The following GMDS variants were observed in gnomAD, a reference collection of about 807,000 sequenced individuals.
The protein encoded by GMDS is GDP-mannose 4,6-dehydratase, also known as GDP-mannose 4,6 dehydratase.
A neutral mutation model predicts 49.9 loss-of-function variants in GMDS; 20 were observed. The observed-to-expected ratio is 0.40, with a 90% CI of 0.28 to 0.58. The LOEUF is 0.58. GMDS is among the 20% of genes least tolerant of loss of function. The pLI is 0.42. For missense variants in GMDS, 362 were observed against 481.4 expected, an observed-to-expected ratio of 0.75 and a Z score of 2.32; for synonymous variants, 177 against 178.6, an observed-to-expected ratio of 0.99 and a Z score of 0.07.
intron 1 of GMDS, among the ~76,000 whole-genome samples, chr6:2,195,496 T>C (rs1779237874): frequency 6.6e-6 from 1 of 152,216 alleles, no homozygotes; most frequent in Non-Finnish European, 1.5e-5. Context: ...GCAAATACTT[T>C]GACATTTTAT....
At chr6:1,794,855 C>T (rs1769677163) in intron 7 of GMDS, among the ~76,000 whole-genome samples, 2 of 152,094 alleles carry the variant, frequency 1.3e-5, no homozygotes, top group African/African-American at 4.8e-5. Flanking sequence ...CAGGGGTGAG[C>T]CACTGCACCT....
intron 4 of GMDS, among the ~76,000 whole-genome samples, chr6:2,016,432 A>G (rs780471559): frequency 6.6e-6 from 1 of 152,214 alleles, no homozygotes; most frequent in Non-Finnish European, 1.5e-5. Context: ...TGGACCCAAT[A>G]ATAGAGCTAC....
At chr6:2,216,844 G>T (rs1321423477) in intron 1 of GMDS, among the ~76,000 whole-genome samples, 3 of 151,952 alleles carry the variant, frequency 2.0e-5, no homozygotes, top group African/African-American at 7.3e-5. Flanking sequence ...CTTCCCACCC[G>T]CCTCTCCTGG....
intron 7 of GMDS, among the ~76,000 whole-genome samples, chr6:1,784,879 A>T (rs7761297): frequency 0.057 from 8,633 of 152,264 alleles, 813 homozygotes; most frequent in African/African-American, 0.2. Context: ...GGAGCACTGC[A>T]GAACACCAAC....
intron 1 of GMDS, among the ~76,000 whole-genome samples, chr6:2,183,140 G>C (rs2127562923): frequency 6.6e-6 from 1 of 152,270 alleles, no homozygotes; most frequent in South Asian, 2.1e-4. Context: ...TGCAGCCCAT[G>C]GATCAAGGAG....
chr6:2,132,707 T>C (rs745905154), intron 1 of GMDS, among the ~76,000 whole-genome samples: 1 of 152,188 alleles, frequency 6.6e-6, no homozygotes, highest in African/African-American at 2.4e-5. Flanking sequence ...CACACGAGCA[T>C]GAAATCAGGA....
intron 7 of GMDS, among the ~76,000 whole-genome samples, chr6:1,792,624 A>T (rs968686446): frequency 3.3e-5 from 5 of 152,160 alleles, no homozygotes; most frequent in Admixed American, 3.3e-4. Flanking sequence ...TTCTCAGAAA[A>T]GTACATGGAG....
intron 4 of GMDS, among the ~76,000 whole-genome samples, chr6:2,104,476 C>T (rs1162911882): frequency 6.6e-6 from 1 of 152,152 alleles, no homozygotes; most frequent in Non-Finnish European, 1.5e-5. Flanking sequence ...TTCTTTGCTG[C>T]CATCTATGTG....
chr6:2,163,331 G>A (rs1212274914), intron 1 of GMDS, among the ~76,000 whole-genome samples: 1 of 152,168 alleles, frequency 6.6e-6, no homozygotes, highest in East Asian at 1.9e-4. Context: ...TCTTGAGCAG[G>A]TCCACAGGGT....
In GMDS at chr6:2,191,085, T is replaced by C. The variant is rs1049818352; in HGVS notation, c.102+54236A>G. The stretch of plus-strand genomic sequence containing the variant: ...GTGCCCACTACAGGGACCCAGCCAG[T>C]GGTGCGGTCACCACGCCCACTGCAC... On this transcript the variant is annotated intron_variant, in intron 1 of 10. Transcript: ENST00000380815. The surrounding 1 kb of genome is among the most constrained non-coding windows in gnomAD (Gnocchi z 4.6). Among the ~76,000 whole-genome samples, 1 of 152,024 alleles carries C rather than the reference T, an allele frequency of 6.6e-6. No homozygotes were observed. Among genetic ancestry groups the C allele is most frequent in the African/African-American group, 2.4e-5 (1 of 41,408 alleles).
chr6:1,929,108 A>T lies in GMDS; in HGVS notation c.771+995T>A, dbSNP rs144153207. On this transcript the variant is annotated intron_variant, in intron 7 of 10. Coordinates refer to ENST00000380815, the MANE Select transcript of GMDS (RefSeq NM_001500.4). ...AAACACACACACATTTTTTATTGTT[A>T]TGACCAAAAACAAGATGGCAGGTGA... 1.5e-3 allele frequency among the ~76,000 whole-genome samples: 236 copies of T among 152,360 alleles called. 4 individuals carry two copies. The East Asian group carries it at 0.03, about 19-fold the overall frequency.
intron 9 of GMDS, among the ~76,000 whole-genome samples, chr6:1,709,685 T>C (rs1203142231): frequency 6.6e-6 from 1 of 152,328 alleles, no homozygotes; most frequent in South Asian, 2.1e-4. Flanking sequence ...CCCACTCCTC[T>C]GGCTGCCCTT....
chr6:2,028,840 T>C (rs560951212), intron 4 of GMDS, among the ~76,000 whole-genome samples: 14 of 152,298 alleles, frequency 9.2e-5, no homozygotes, highest in Admixed American at 2.6e-4. Flanking sequence ...TAGTAAATAC[T>C]AACGACTATA....
At chr6:2,143,197 C>T (rs1272621582) in intron 1 of GMDS, among the ~76,000 whole-genome samples, 1 of 152,228 alleles carries the variant, frequency 6.6e-6, no homozygotes, top group Non-Finnish European at 1.5e-5. Context: ...CCAGCAGACA[C>T]GCCAATGCCC....
At chr6:1,685,015 C>CG (rs919664576) in intron 9 of GMDS, among the ~76,000 whole-genome samples, 12 of 112,194 alleles carry the variant, frequency 1.1e-4, no homozygotes, top group African/African-American at 3.6e-4. Flanking sequence ...CTCTCTCCCC[C>CG]CCCTTTTTTT....
At chr6:2,131,092 C>A (rs755466423) in intron 1 of GMDS, among the ~76,000 whole-genome samples, 2 of 152,080 alleles carry the variant, frequency 1.3e-5, no homozygotes, top group Non-Finnish European at 2.9e-5. Context: ...AGCAGGCTAG[C>A]AAATCTTCAG....
At chr6:1,875,089 G>T (rs1191963922) in intron 7 of GMDS, among the ~76,000 whole-genome samples, 5 of 152,026 alleles carry the variant, frequency 3.3e-5, no homozygotes, top group Non-Finnish European at 5.9e-5. Context: ...ACATGGGACT[G>T]CCCCCTATTT....
intron 4 of GMDS, among the ~76,000 whole-genome samples, chr6:1,978,828 A>G (rs1765066212): frequency 6.6e-6 from 1 of 151,844 alleles, no homozygotes; most frequent in African/African-American, 2.4e-5. Flanking sequence ...GTCTCCAGCC[A>G]CCTCCTCCAG....
chr6:1,971,940 G>A (rs756438223), intron 4 of GMDS, among the ~76,000 whole-genome samples: 6 of 152,144 alleles, frequency 3.9e-5, no homozygotes, highest in Non-Finnish European at 5.9e-5. Flanking sequence ...AAGACTGACC[G>A]TGCTTTAACA....
Sources: gnomAD v4.1 joint callset for allele counts (sites outside exome capture counted in the v4.1 genomes callset) on GRCh38, gnomAD v4.1.1 for gene constraint, Gnocchi (gnomAD v3.1) non-coding constraint, MANE v1.5 for transcripts, NCBI Gene and HGNC (gene_info 2026-07-23, HGNC 2026-07-21) for gene names.